The following KAZN variants were observed in gnomAD, a reference collection of about 807,000 sequenced individuals.
The protein encoded by KAZN is kazrin, periplakin interacting protein.
A neutral mutation model predicts 87.4 loss-of-function variants in KAZN; 40 were observed. The ratio of observed to expected loss-of-function variants is 0.46; its 90% CI spans 0.36 to 0.60. The LOEUF (loss-of-function observed/expected upper bound fraction) is 0.60, where lower values mean the gene tolerates loss of function less well. KAZN is among the 20% of genes least tolerant of loss of function. The probability of loss-of-function intolerance (pLI) is 0.00; values close to 1 mark genes in which losing one functional copy is unlikely to be tolerated. For missense variants in KAZN, 898 were observed against 1,073.9 expected, an observed-to-expected ratio of 0.84 and a Z score of 2.29; for synonymous variants, 466 against 458.3, an observed-to-expected ratio of 1.02 and a Z score of -0.22.
intron 3 of KAZN, among the ~76,000 whole-genome samples, chr1:15,038,377 AG>A (rs1183272454): frequency 1.2e-4 from 18 of 151,690 alleles, no homozygotes; most frequent in Admixed American, 4.6e-4. Flanking sequence ...CTGCCTTCAG[AG>A]GCCACCTCAG....
chr1:14,718,380 G>A (rs569608970), intron 1 of KAZN, among the ~76,000 whole-genome samples: 1 of 152,212 alleles, frequency 6.6e-6, no homozygotes, highest in Non-Finnish European at 1.5e-5. Flanking sequence ...TTTTCAGAGA[G>A]TACAGACCAG....
chr1:14,114,596 C>T (rs922263385), intron 1 of KAZN, among the ~76,000 whole-genome samples: 1 of 152,110 alleles, frequency 6.6e-6, no homozygotes, highest in Non-Finnish European at 1.5e-5. Context: ...CTTCTTCCTC[C>T]CTTCCTTCTG....
chr1:14,584,276 G>A (rs1047351939), intron 2 of KAZN, among the ~76,000 whole-genome samples: 5 of 152,214 alleles, frequency 3.3e-5, no homozygotes, highest in African/African-American at 4.8e-5. Flanking sequence ...TCCAACAACC[G>A]GAGAGAGAAG....
At chr1:14,961,913 G>A (rs180893728) in intron 2 of KAZN, among the ~76,000 whole-genome samples, 4 of 152,338 alleles carry the variant, frequency 2.6e-5, no homozygotes, top group South Asian at 2.1e-4. Context: ...CCGGTTGGGT[G>A]TATGTGTTTC....
intron 2 of KAZN, among the ~76,000 whole-genome samples, chr1:14,247,960 T>A (rs1161206858): frequency 6.6e-6 from 1 of 152,170 alleles, no homozygotes; most frequent in Admixed American, 6.5e-5. Flanking sequence ...ACAAAATGCA[T>A]AACCTAATTA....
chr1:14,698,632 G>T (rs528975232), intron 1 of KAZN, among the ~76,000 whole-genome samples: 9 of 152,354 alleles, frequency 5.9e-5, no homozygotes, highest in African/African-American at 2.2e-4. Context: ...CCTCATTGGT[G>T]AAAGCACTTA....
Position 14,753,839 on chromosome 1 carries a change from G to A in KAZN, c.226+154616G>A, listed in dbSNP as rs1245948647. ...GCCTGTTTCCTTCTGCAGCTCTGGA[G>A]GCTGCGAAGTCCAAGATGAAGACTC... is the stretch of plus-strand genomic sequence containing the variant. On this transcript the variant is annotated intron_variant, in intron 1 of 14. Coordinates refer to ENST00000376030, the MANE Select transcript of KAZN (RefSeq NM_201628.3). Among the ~76,000 whole-genome samples the A allele has an allele frequency of 3.3e-5, 5 of 152,328 alleles. 1 individual carries two copies. The East Asian group carries it at 9.7e-4, about 30-fold the overall frequency.
At position 14,806,392 on chromosome 1, in the gene KAZN, A is replaced by G. The variant is rs1646223591; in HGVS notation, c.227-154292A>G. ...GACATTCAATTATATTTCTTATTTT[A>G]TCATTTGGCAGACCAGCTTCCTGGC... On this transcript the variant is annotated intron_variant, in intron 1 of 14. Coordinates refer to ENST00000376030, the MANE Select transcript of KAZN (RefSeq NM_201628.3). 2.0e-5 allele frequency among the ~76,000 whole-genome samples: 3 copies of G among 152,158 alleles called. No individual in the cohort carries two copies. In the South Asian group the frequency reaches 6.2e-4, roughly 32 times the overall value.
chr1:15,021,601 G>T lies in KAZN; in HGVS notation c.419-13148G>T, dbSNP rs1670674761. 6.6e-6 allele frequency among the ~76,000 whole-genome samples: 1 copy of T among 152,082 alleles called. No individual in the cohort carries two copies. On this transcript the variant is annotated intron_variant, in intron 2 of 14. Coordinates refer to ENST00000376030, the MANE Select transcript of KAZN (RefSeq NM_201628.3). The surrounding 1 kb of genome is among the most constrained non-coding windows in gnomAD (Gnocchi z 4.2). ...GGCCCTCCGCCCTCCTGGCTTCCAG[G>T]TGACCTCTGAGCTCTTCCAGGGGCA... is the stretch of plus-strand genomic sequence containing the variant.
At chr1:14,298,887 C>T (rs1331712407) in intron 2 of KAZN, among the ~76,000 whole-genome samples, 3 of 152,248 alleles carry the variant, frequency 2.0e-5, no homozygotes, top group African/African-American at 7.2e-5. Flanking sequence ...CTACACTACA[C>T]TCTCACTGGC....
chr1:13,909,574 A>G (rs1639575024), intron 1 of KAZN, among the ~76,000 whole-genome samples: 2 of 152,222 alleles, frequency 1.3e-5, no homozygotes, highest in African/African-American at 2.4e-5. Flanking sequence ...CTACACCCAC[A>G]TTTTCTTCAG....
At chr1:13,943,808 G>A (rs1212076264) in intron 1 of KAZN, among the ~76,000 whole-genome samples, 1 of 152,082 alleles carries the variant, frequency 6.6e-6, no homozygotes, top group East Asian at 1.9e-4. Context: ...TAGTCCTTAG[G>A]GAAATGCAAA....
intron 1 of KAZN, among the ~76,000 whole-genome samples, chr1:14,944,226 C>CT (rs1197756239): frequency 6.8e-5 from 6 of 87,976 alleles, no homozygotes; most frequent in African/African-American, 2.9e-4. Flanking sequence ...GCTCCCCCTC[C>CT]TAAAAAAAAA....
At chr1:15,103,878 G>C in intron 12 of KAZN, 145 bp from the exon 13 acceptor site, 1 of 771,670 alleles carries the variant, frequency 1.3e-6, no homozygotes, top group East Asian at 2.7e-5. Flanking sequence ...AAATTGGGGA[G>C]GGGTTCCTCT....
chr1:14,762,480 CTTTGGG>C (rs1644765658), intron 1 of KAZN, among the ~76,000 whole-genome samples: 1 of 122,512 alleles, frequency 8.2e-6, no homozygotes, highest in Non-Finnish European at 1.9e-5. Flanking sequence ...AATCCCAGCA[CTTTGGG>C]AGGCCGAGGT....
At chr1:14,001,748 G>A (rs1045488754) in intron 1 of KAZN, among the ~76,000 whole-genome samples, 1 of 152,106 alleles carries the variant, frequency 6.6e-6, no homozygotes, top group Non-Finnish European at 1.5e-5. Context: ...AAAGCAATGG[G>A]GAAAGGATCT....
intron 2 of KAZN, among the ~76,000 whole-genome samples, chr1:14,544,888 C>A (rs1673046003): frequency 6.6e-6 from 1 of 152,046 alleles, no homozygotes; most frequent in Admixed American, 6.6e-5. Context: ...TTCTGATGCC[C>A]AGCCCAGCCT....
intron 2 of KAZN, among the ~76,000 whole-genome samples, chr1:14,593,262 G>C (rs1461543948): frequency 1.3e-5 from 2 of 152,234 alleles, no homozygotes; most frequent in African/African-American, 4.8e-5. Flanking sequence ...GAGAATATTT[G>C]TGGATATGAA....
chr1:14,905,100 C>T (rs1198629862), intron 1 of KAZN, among the ~76,000 whole-genome samples: 1 of 152,134 alleles, frequency 6.6e-6, no homozygotes, highest in Non-Finnish European at 1.5e-5. Context: ...GCTCCTTCGC[C>T]CAGGCTGGAG....
Sources: gnomAD v4.1 joint callset for allele counts (sites outside exome capture counted in the v4.1 genomes callset) on GRCh38, gnomAD v4.1.1 for gene constraint, Gnocchi (gnomAD v3.1) non-coding constraint, MANE v1.5 for transcripts, NCBI Gene and HGNC (gene_info 2026-07-23, HGNC 2026-07-21) for gene names.